F5: variants seen among roughly 807,000 people sequenced by gnomAD.
F5 encodes coagulation factor V.
Under a neutral mutation model 216.4 loss-of-function variants are expected in F5, and 138 were observed. The observed-to-expected ratio is 0.64, with a 90% confidence interval of 0.56 to 0.73. F5 has a LOEUF of 0.73. Among genes scored for constraint, F5 ranks in the 30% least tolerant of loss-of-function variants. F5 has a pLI of 0.00. For missense variants in F5, 2,403 were observed against 2,674.0 expected, an observed-to-expected ratio of 0.90 and a Z score of 2.24; for synonymous variants, 916 against 930.7, an observed-to-expected ratio of 0.98 and a Z score of 0.29.
At chr1:169,576,571 C>T (rs952657760) in intron 2 of F5, among the ~76,000 whole-genome samples, 1 of 152,186 alleles carries the variant, frequency 6.6e-6, no homozygotes, top group Non-Finnish European at 1.5e-5. Context: ...AAAGCTCTCC[C>T]TATTCCTTCC....
In F5 at chr1:169,518,459, G is replaced by A. The variant is rs775843029; in HGVS notation, c.6298C>T (p.Arg2100Cys). ...SWWGDYWEPF[R>C]ARLNAQGRVN... ...CGTCCCTGGGCATTCAGACGGGCAC[G>A]GAAGGGTTCCCAGTAATCTCCCCAC... Residue 2100 changes from arginine to cysteine, a missense_variant, in exon 23 of 25, where the codon CGT becomes TGT. By Grantham distance (180) the Arg-to-Cys change is radical. Around this residue, in one of 4 missense-constraint regions of F5, gnomAD observed 659 missense variants for 787.9 expected, o/e 0.84. Transcript: ENST00000367797. The A allele has an allele frequency of 3.0e-5, 49 of 1,613,662 alleles. No individual in the cohort carries two copies. Among genetic ancestry groups the A allele is most frequent in the Admixed American group, 8.3e-5 (5 of 59,980 alleles).
intron 2 of F5, among the ~76,000 whole-genome samples, chr1:169,573,179 C>A (rs2101840596): frequency 6.6e-6 from 1 of 152,226 alleles, no homozygotes; most frequent in South Asian, 2.1e-4. Flanking sequence ...AACTCCTGAC[C>A]TCAGGTGATA....
At chr1:169,532,611 G>A (rs531823536) in intron 14 of F5, among the ~76,000 whole-genome samples, 3 of 146,962 alleles carry the variant, frequency 2.0e-5, no homozygotes, top group African/African-American at 5.0e-5. Context: ...AATCAAGAAC[G>A]AAATCCCATT....
At chr1:169,546,712 G>A (rs1660012054) in intron 10 of F5, 120 bp from the exon 11 acceptor site, 1 of 882,326 alleles carries the variant, frequency 1.1e-6, no homozygotes. Context: ...ACAAAAGCAA[G>A]CAATAGGGAA....
At chr1:169,552,813 A>T in intron 7 of F5, 79 bp from the exon 8 acceptor site, 1 of 1,081,214 alleles carries the variant, frequency 9.2e-7, no homozygotes, top group Non-Finnish European at 1.4e-6. Flanking sequence ...TTGTGCTTAA[A>T]CATTCTGCTC....
chr1:169,517,555 A>G (rs1216687038), intron 23 of F5, among the ~76,000 whole-genome samples: 1 of 152,176 alleles, frequency 6.6e-6, no homozygotes, highest in Non-Finnish European at 1.5e-5. Flanking sequence ...TAGTTGGCTG[A>G]AGGGATCATC....
chr1:169,547,282 G>A (rs975954142), intron 10 of F5, among the ~76,000 whole-genome samples: 1 of 152,156 alleles, frequency 6.6e-6, no homozygotes, highest in African/African-American at 2.4e-5. Flanking sequence ...ATAGGGATGG[G>A]CAAAGCTTTC....
intron 10 of F5, among the ~76,000 whole-genome samples, 195 bp from the exon 11 acceptor site, chr1:169,546,787 G>A (rs1004776664): frequency 1.3e-5 from 2 of 152,038 alleles, no homozygotes; most frequent in African/African-American, 4.8e-5. Flanking sequence ...AATTGAAACT[G>A]GACCCCTTTC....
At chr1:169,515,721 G>T in intron 23 of F5, 95 bp from the exon 24 acceptor site, 1 of 1,295,616 alleles carries the variant, frequency 7.7e-7, no homozygotes, top group Non-Finnish European at 1.1e-6. Context: ...GAGCTCAAAA[G>T]GATTTTGTTC....
intron 14 of F5, among the ~76,000 whole-genome samples, chr1:169,531,341 GC>G (rs1659592962): frequency 6.6e-6 from 1 of 152,170 alleles, no homozygotes; most frequent in Non-Finnish European, 1.5e-5. Flanking sequence ...TTCATAAGAA[GC>G]TTTTAAGCTC....
chr1:169,579,991 T>C (rs1317357000), intron 2 of F5, among the ~76,000 whole-genome samples: 1 of 152,188 alleles, frequency 6.6e-6, no homozygotes, highest in Non-Finnish European at 1.5e-5. Context: ...CCCTGAAGTT[T>C]GTGGTCCAAC....
chr1:169,536,391 T>C (rs1440319320), intron 14 of F5, 115 bp downstream of exon 14: 1 of 852,352 alleles, frequency 1.2e-6, no homozygotes, highest in African/African-American at 1.7e-5. Context: ...TAATTATTCA[T>C]TAATCCTGGA....
chr1:169,577,560 A>AATATATATATATATATATATATAT (rs3035292), intron 2 of F5, among the ~76,000 whole-genome samples: 9 of 54,464 alleles, frequency 1.7e-4, no homozygotes, highest in Non-Finnish European at 2.7e-4. Context: ...GGCTAATTTA[A>AATATATATATATATATATATATAT]ATATATATAT....
chr1:169,541,252 G>A lies in F5; in HGVS notation c.3838C>T (p.Leu1280Phe), dbSNP rs1437470211. ...TCTAGAGAAAGGGTTGTATGGCTGA[G>A]GTCTGGAGAAAGGGGCATCTGACCG... Reference protein sequence around the residue: ...ALGQMPLSPDLSHTTLSLDFS... With the variant: ...ALGQMPLSPDFSHTTLSLDFS... Residue 1280 changes from leucine to phenylalanine, a missense_variant, in exon 13 of 25, where the codon CTC becomes TTC. Around this residue, in one of 4 missense-constraint regions of F5, gnomAD observed 1,425 missense variants for 1,554.8 expected, o/e 0.92. Coordinates refer to ENST00000367797, the MANE Select transcript of F5 (RefSeq NM_000130.5). The A allele has an allele frequency of 5.2e-6, 8 of 1,541,040 alleles. No homozygotes were observed. The highest frequency in any genetic ancestry group is 7.1e-6 in the Non-Finnish European group (8 of 1,133,074).
chr1:169,586,481 T>C lies in F5; in HGVS notation c.-95A>G, dbSNP rs1361082608. On this transcript the variant is annotated 5_prime_UTR_variant, in exon 1 of 25. Transcript: ENST00000367797. Reference sequence around the variant, plus strand: ...ACACTCCGGGCTGTCCCAGCTGCAATGAGCTCTAGAGGCTGTGGGTGGCAG... The same window carrying C: ...ACACTCCGGGCTGTCCCAGCTGCAACGAGCTCTAGAGGCTGTGGGTGGCAG... 6.6e-7 allele frequency: 1 copy of C among 1,517,186 alleles called. No individual in the cohort carries two copies. The highest frequency in any genetic ancestry group is 8.9e-7 in the Non-Finnish European group (1 of 1,128,026). 94.0% of individuals were successfully genotyped at this position (1,517,186 alleles called of 1,614,324 possible). A position where few individuals can be genotyped will look rare whatever the true frequency, so the allele number is the denominator to read the frequency against.
rs6037 is a variant in F5, at chr1:169,544,345, G to T, written c.1926C>A (p.Thr642=). ...IYGKRHEDTL[T]LFPMRGESVT... ...CAGATTCTCCACGCATGGGGAAGAG[G>T]GTCAAGGTGTCCTCATGCCTCTTTC... is the stretch of plus-strand genomic sequence containing the variant. Residue 642 remains threonine (T), a synonymous_variant, in exon 12 of 25, where the codon ACC becomes ACA. Transcript: ENST00000367797. 117,475 of 1,613,708 alleles carry T rather than the reference G, an allele frequency of 0.073. 4,834 individuals are homozygous for T. The highest frequency in any genetic ancestry group is 0.1 in the Admixed American group (6,226 of 59,996).
intron 8 of F5, among the ~76,000 whole-genome samples, chr1:169,551,178 G>A (rs999002070): frequency 2.6e-5 from 4 of 152,178 alleles, no homozygotes; most frequent in African/African-American, 9.7e-5. Context: ...GCTAGGTTCA[G>A]TGGCTCAAAC....
chr1:169,551,732 G>A (rs1660172087), intron 8 of F5, among the ~76,000 whole-genome samples: 1 of 152,108 alleles, frequency 6.6e-6, no homozygotes, highest in Admixed American at 6.5e-5. Context: ...AAAGCCTTTG[G>A]ATCATCCTTT....
At chr1:169,576,913 T>C (rs997501068) in intron 2 of F5, among the ~76,000 whole-genome samples, 9 of 152,308 alleles carry the variant, frequency 5.9e-5, no homozygotes, top group East Asian at 5.8e-4. Context: ...ACCTATTACT[T>C]CAGTGGACAG....
Sources: allele counts gnomAD v4.1 joint callset (sites outside exome capture counted in the v4.1 genomes callset), GRCh38; gene constraint gnomAD v4.1.1; regional missense constraint gnomAD v4.1.1; transcripts MANE v1.5; gene names NCBI Gene and HGNC (gene_info 2026-07-23, HGNC 2026-07-21).